DPH6: variants seen among roughly 807,000 people sequenced by gnomAD.
DPH6 encodes the protein diphthine--ammonia ligase.
In DPH6, 33 loss-of-function variants were observed where a neutral mutation model predicts 38.2. That is an observed-to-expected ratio of 0.86 (90% CI 0.65 to 1.15). The LOEUF is 1.15. DPH6 is among the 50% of genes most tolerant of loss of function. The pLI, the probability that DPH6 is intolerant of heterozygous loss-of-function variation, is 0.00. For missense variants in DPH6, 325 were observed against 320.0 expected (o/e 1.02, Z -0.12); for synonymous variants, 108 against 103.0 (o/e 1.05, Z -0.30).
rs115356260 is a variant in DPH6 at position 35,435,658 on chromosome 15, C to T, written c.505+15027G>A. ...TTTTGCCTAATAAATCTGTCCTCCT[C>T]ACCCTTCCATGTGTCTGTATGCCTA... On this transcript the variant is annotated intron_variant, in intron 5 of 8. Transcript: ENST00000256538. 3.5e-3 allele frequency among the ~76,000 whole-genome samples: 531 copies of T among 152,266 alleles called. 4 individuals carry two copies. Among genetic ancestry groups the T allele is most frequent in the African/African-American group, 0.012 (509 of 41,528 alleles).
At chr15:35,355,320 CTGTCA>C (rs1419348582) in intron 3 of DPH6, among the ~76,000 whole-genome samples, 4 of 152,124 alleles carry the variant, frequency 2.6e-5, no homozygotes, top group Non-Finnish European at 5.9e-5. Flanking sequence ...GAATTTGATC[CTGTCA>C]TTATGATGTT....
At chr15:35,365,015 T>C (rs2052644943) in intron 3 of DPH6, among the ~76,000 whole-genome samples, 1 of 152,104 alleles carries the variant, frequency 6.6e-6, no homozygotes, top group South Asian at 2.1e-4. Context: ...TCTTTTCCAG[T>C]TCACTGAATT....
chr15:35,275,137 G>A (rs1390846809), intron 3 of DPH6, among the ~76,000 whole-genome samples: 18 of 152,082 alleles, frequency 1.2e-4, no homozygotes, highest in Middle Eastern at 3.4e-3. Context: ...GGATGGTCTC[G>A]AACTCCTGAC....
chr15:35,365,198 G>C (rs181043178), intron 3 of DPH6, among the ~76,000 whole-genome samples: 10 of 152,058 alleles, frequency 6.6e-5, no homozygotes, highest in African/African-American at 2.4e-4. Flanking sequence ...CCTAGATCAC[G>C]CTTATTCCCT....
chr15:35,327,397 G>GTGCAGTGAC (rs1231925988), downstream of DPH6, among the ~76,000 whole-genome samples: 1 of 147,108 alleles, frequency 6.8e-6, no homozygotes, highest in Non-Finnish European at 1.5e-5. Context: ...CCAGGCTGGA[G>GTGCAGTGAC]TGCAGTGACG....
chr15:35,403,133 TATATAAAA>T (rs1369657663), intron 6 of DPH6, among the ~76,000 whole-genome samples: 4 of 152,118 alleles, frequency 2.6e-5, no homozygotes, highest in African/African-American at 9.7e-5. Context: ...CATAACCTTG[TATATAAAA>T]CAAATTCTCA....
the DPH6 span, among the ~76,000 whole-genome samples, chr15:35,172,822 G>C: frequency 6.6e-6 from 1 of 152,036 alleles, no homozygotes; most frequent in African/African-American, 2.4e-5. Context: ...CTCCCAAGTA[G>C]TTGGGTCTAC....
intron 3 of DPH6, among the ~76,000 whole-genome samples, chr15:35,506,502 G>T (rs1443820): frequency 0.62 from 94,461 of 152,024 alleles, 33,379 homozygotes; most frequent in South Asian, 0.82. Context: ...TTTACTCTTC[G>T]GCATGGGACA....
chr15:35,343,455 T>C (rs899449984), intron 3 of DPH6, among the ~76,000 whole-genome samples: 19 of 152,048 alleles, frequency 1.2e-4, no homozygotes, highest in African/African-American at 4.6e-4. Context: ...TTAGGGTGCA[T>C]AGTTACATAT....
intron 5 of DPH6, among the ~76,000 whole-genome samples, chr15:35,439,887 A>G (rs1028682036): frequency 6.6e-6 from 1 of 152,228 alleles, no homozygotes. Flanking sequence ...GCTCCACATT[A>G]CGCAAATAAT....
intron 3 of DPH6, among the ~76,000 whole-genome samples, chr15:35,224,946 G>A (rs1413801365): frequency 6.6e-6 from 1 of 152,192 alleles, no homozygotes; most frequent in East Asian, 1.9e-4. Flanking sequence ...TACCAACGTT[G>A]ATACACTGTC....
chr15:35,463,175 C>G (rs562441058), intron 3 of DPH6, among the ~76,000 whole-genome samples: 1 of 151,994 alleles, frequency 6.6e-6, no homozygotes, highest in South Asian at 2.1e-4. Context: ...TTGATAAATA[C>G]TCAGATTAAA....
At chr15:35,525,834 T>C (rs1434538236) in intron 3 of DPH6, among the ~76,000 whole-genome samples, 1 of 152,112 alleles carries the variant, frequency 6.6e-6, no homozygotes, top group African/African-American at 2.4e-5. Context: ...AATAAGACCC[T>C]ATCTCAAAAA....
At chr15:35,484,994 C>G (rs566521166) in intron 3 of DPH6, among the ~76,000 whole-genome samples, 1 of 151,964 alleles carries the variant, frequency 6.6e-6, no homozygotes, top group Non-Finnish European at 1.5e-5. Context: ...AAAAATGTCA[C>G]TAAATGAAAA....
At chr15:35,432,632 G>A (rs1018899672) in intron 5 of DPH6, among the ~76,000 whole-genome samples, 6 of 151,988 alleles carry the variant, frequency 3.9e-5, no homozygotes, top group African/African-American at 7.3e-5. Context: ...TTACAAAAGG[G>A]GAAAACTCAA....
intron 3 of DPH6, among the ~76,000 whole-genome samples, chr15:35,252,518 G>T (rs1317394953): frequency 1.3e-5 from 2 of 152,250 alleles, no homozygotes; most frequent in African/African-American, 4.8e-5. Flanking sequence ...AGCTACAGAG[G>T]ATTTTGGTGG....
intron 3 of DPH6, among the ~76,000 whole-genome samples, chr15:35,496,588 A>ATATATATATATATATATATATATATATC (rs2054561757): frequency 7.7e-6 from 1 of 130,214 alleles, no homozygotes; most frequent in Non-Finnish European, 1.6e-5. Flanking sequence ...ATATATATAT[A>ATATATATATATATATATATATATATATC]TATCCTCTAC....
the DPH6 span, among the ~76,000 whole-genome samples, chr15:35,208,048 A>G: frequency 2.2e-3 from 334 of 152,306 alleles, 2 homozygotes; most frequent in Admixed American, 0.012. Context: ...GGTGAAACTC[A>G]TATTAAATTG....
rs1234869528 is a variant in DPH6, at chr15:35,521,776, T to C, written c.312+16498A>G. On this transcript the variant is annotated intron_variant, in intron 3 of 8. Coordinates refer to ENST00000256538, the MANE Select transcript of DPH6 (RefSeq NM_080650.4). Reference sequence around the variant, plus strand: ...TAGCTGCTAAAAGGATGCAACATTGTTGATTCATATACAAGCATTTTACTT... The same window carrying C: ...TAGCTGCTAAAAGGATGCAACATTGCTGATTCATATACAAGCATTTTACTT... 2.1e-5 allele frequency: 26 copies of C among 1,235,320 alleles called. No individual in the cohort carries two copies. In the Middle Eastern group the frequency reaches 2.8e-3, roughly 132 times the overall value. 76.5% of individuals were successfully genotyped at this position (1,235,320 alleles called of 1,614,324 possible).
Sources: allele counts gnomAD v4.1 joint callset (sites outside exome capture counted in the v4.1 genomes callset), GRCh38; gene constraint gnomAD v4.1.1; transcripts MANE v1.5; gene names NCBI Gene and HGNC (gene_info 2026-07-23, HGNC 2026-07-21).